LYPLAL1: variants seen among roughly 807,000 people sequenced by gnomAD.
LYPLAL1 encodes the protein lysophospholipase like 1.
In LYPLAL1, 23 loss-of-function variants were observed where a neutral mutation model predicts 19.7. That is an observed-to-expected ratio of 1.17 (90% CI 0.84 to 1.65). The LOEUF is 1.65. LYPLAL1 is among the 40% of genes most tolerant of loss of function. The probability of loss-of-function intolerance (pLI) is 0.00; values close to 1 mark genes in which losing one functional copy is unlikely to be tolerated. For synonymous variants in LYPLAL1, 119 were observed against 96.3 expected (o/e 1.24, Z -1.38); for missense variants, 355 against 279.4 (o/e 1.27, Z -1.93).
chr1:219,250,173 T>G, the LYPLAL1 span, among the ~76,000 whole-genome samples: 1 of 152,048 alleles, frequency 6.6e-6, no homozygotes, highest in African/African-American at 2.4e-5. Context: ...AGATCTATAT[T>G]CTATATAATT....
At chr1:219,302,008 G>A in the LYPLAL1 span, among the ~76,000 whole-genome samples, 3 of 152,148 alleles carry the variant, frequency 2.0e-5, no homozygotes, top group African/African-American at 7.2e-5. Flanking sequence ...AGAACTGGGG[G>A]TAGGGGCTCT....
the LYPLAL1 span, among the ~76,000 whole-genome samples, chr1:219,388,479 T>G: frequency 1.3e-5 from 2 of 152,158 alleles, no homozygotes; most frequent in Admixed American, 1.3e-4. Flanking sequence ...AGTCTAATAT[T>G]CCTTATCCAA....
At chr1:219,297,771 G>A in the LYPLAL1 span, among the ~76,000 whole-genome samples, 1 of 152,206 alleles carries the variant, frequency 6.6e-6, no homozygotes, top group South Asian at 2.1e-4. Flanking sequence ...TTCTCTGGAA[G>A]CGATAAAGAG....
At chr1:219,313,467 T>G in the LYPLAL1 span, among the ~76,000 whole-genome samples, 1 of 152,088 alleles carries the variant, frequency 6.6e-6, no homozygotes, top group Non-Finnish European at 1.5e-5. Context: ...TGTGTGAAAA[T>G]TTATTCAAAA....
chr1:219,408,126 T>G, the LYPLAL1 span, among the ~76,000 whole-genome samples: 1 of 152,154 alleles, frequency 6.6e-6, no homozygotes, highest in Non-Finnish European at 1.5e-5. Flanking sequence ...AGGGACTCCT[T>G]AAGCAGATGG....
At chr1:219,290,505 C>T in the LYPLAL1 span, among the ~76,000 whole-genome samples, 5 of 152,244 alleles carry the variant, frequency 3.3e-5, no homozygotes, top group East Asian at 9.6e-4. Flanking sequence ...TTACAAAATA[C>T]AGTGATTAAG....
At chr1:219,276,695 T>C in the LYPLAL1 span, among the ~76,000 whole-genome samples, 3 of 152,206 alleles carry the variant, frequency 2.0e-5, no homozygotes, top group African/African-American at 2.4e-5. Context: ...GTGGGGATCA[T>C]GTTGCATACT....
chr1:219,329,517 A>C, the LYPLAL1 span, among the ~76,000 whole-genome samples: 1 of 152,190 alleles, frequency 6.6e-6, no homozygotes, highest in Non-Finnish European at 1.5e-5. Flanking sequence ...GGTATGCAAA[A>C]AATTTTAGAT....
chr1:219,211,130 A>C (rs188416001), intron 4 of LYPLAL1, among the ~76,000 whole-genome samples: 73 of 152,260 alleles, frequency 4.8e-4, no homozygotes, highest in South Asian at 1.7e-3. Context: ...GAGAACTAAA[A>C]TGTAATTGTC....
chr1:219,445,040 TA>T, the LYPLAL1 span, among the ~76,000 whole-genome samples: 164 of 149,080 alleles, frequency 1.1e-3, 1 homozygote, highest in African/African-American at 3.9e-3. Flanking sequence ...GACCACAACC[TA>T]AAAAGGAAAG....
the LYPLAL1 span, among the ~76,000 whole-genome samples, chr1:219,286,215 A>AT: frequency 6.6e-6 from 1 of 152,100 alleles, no homozygotes; most frequent in Non-Finnish European, 1.5e-5. Context: ...TGGCTTCCTT[A>AT]AAGTGACAAA....
At chr1:219,180,677 A>C (rs1656204847) in intron 2 of LYPLAL1, among the ~76,000 whole-genome samples, 1 of 152,220 alleles carries the variant, frequency 6.6e-6, no homozygotes, top group African/African-American at 2.4e-5. Context: ...GATGAAAGAT[A>C]AGTTCATTTC....
chr1:219,432,413 C>T, the LYPLAL1 span, among the ~76,000 whole-genome samples: 1 of 150,308 alleles, frequency 6.7e-6, no homozygotes, highest in Non-Finnish European at 1.5e-5. Flanking sequence ...GATGGGAAAA[C>T]ATCTTTGAAT....
intron 1 of LYPLAL1, among the ~76,000 whole-genome samples, chr1:219,177,159 T>G (rs939659117): frequency 2.0e-5 from 3 of 152,024 alleles, no homozygotes; most frequent in Non-Finnish European, 4.4e-5. Flanking sequence ...GGCTCCAGGG[T>G]AGGGTCCTTG....
intron 1 of LYPLAL1, among the ~76,000 whole-genome samples, chr1:219,176,391 T>C (rs1366609476): frequency 1.3e-5 from 2 of 152,196 alleles, no homozygotes; most frequent in African/African-American, 4.8e-5. Context: ...GTCTTGTTTA[T>C]GGCTTTCTTC....
At chr1:219,302,724 C>T in the LYPLAL1 span, among the ~76,000 whole-genome samples, 1 of 152,208 alleles carries the variant, frequency 6.6e-6, no homozygotes, top group South Asian at 2.1e-4. Context: ...TCTCTCCAGT[C>T]AGATTGTCCC....
chr1:219,350,491 C>G, the LYPLAL1 span, among the ~76,000 whole-genome samples: 1 of 152,220 alleles, frequency 6.6e-6, no homozygotes, highest in East Asian at 1.9e-4. Flanking sequence ...CTGCCTCCTC[C>G]TTCTGTTCCC....
the LYPLAL1 span, among the ~76,000 whole-genome samples, chr1:219,425,802 A>C: frequency 6.6e-6 from 1 of 152,190 alleles, no homozygotes; most frequent in African/African-American, 2.4e-5. Context: ...ACCATATTCT[A>C]TCTAAGTATG....
Position 219,196,196 on chromosome 1 carries a change from AT to A in LYPLAL1, c.361+2946del, listed in dbSNP as rs1300378461. Among the ~76,000 whole-genome samples, 3 of 152,150 alleles carry A rather than the reference AT, an allele frequency of 2.0e-5. No individual in the cohort carries two copies. In the East Asian group the frequency reaches 5.8e-4, roughly 29 times the overall value. ...TATTCCTTTGGGTGTATACCCAGTA[AT>A]GAAATTGCTGGGTCAGATGGTATTT... On this transcript the variant is annotated intron_variant, in intron 3 of 4. Transcript: ENST00000366928.
Sources: gnomAD v4.1 joint callset for allele counts (sites outside exome capture counted in the v4.1 genomes callset) on GRCh38, gnomAD v4.1.1 for gene constraint, MANE v1.5 for transcripts, NCBI Gene and HGNC (gene_info 2026-07-23, HGNC 2026-07-21) for gene names.